PRKN: variants seen among roughly 807,000 people sequenced by gnomAD.
The protein encoded by PRKN is parkin RBR E3 ubiquitin protein ligase.
In PRKN, 56 loss-of-function variants were observed where a neutral mutation model predicts 59.5. That is an observed-to-expected ratio of 0.94 (90% CI 0.76 to 1.18). PRKN has a LOEUF of 1.18. Ranked by LOEUF, PRKN falls within the 50% of genes most tolerant of loss-of-function variation. The pLI is 0.00. For missense variants in PRKN, 657 were observed against 596.4 expected, an observed-to-expected ratio of 1.10 and a Z score of -1.06; for synonymous variants, 250 against 222.1, an observed-to-expected ratio of 1.13 and a Z score of -1.12.
rs865875601 is a variant in PRKN at position 162,010,681 on chromosome 6, T to A, written c.619-37264A>T. ...TATATTATATATAATATACTATATA[T>A]TATATAATATATTATATTATATATA... On this transcript the variant is annotated intron_variant, in intron 5 of 11. Transcript: ENST00000366898. 2.9e-3 allele frequency among the ~76,000 whole-genome samples: 14 copies of A among 4,848 alleles called. 4 individuals carry two copies. The South Asian group carries it at 0.057, about 20-fold the overall frequency. 3.2% of individuals were successfully genotyped at this position (4,848 alleles called of 152,430 possible).
chr6:162,463,719 C>A (rs557061465), intron 1 of PRKN, among the ~76,000 whole-genome samples: 1 of 152,290 alleles, frequency 6.6e-6, no homozygotes, highest in African/African-American at 2.4e-5. Flanking sequence ...GTTTGGTTCA[C>A]AAGTGTGTGC....
intron 1 of PRKN, among the ~76,000 whole-genome samples, chr6:162,556,366 T>TGC (rs1554243442): frequency 5.3e-4 from 52 of 98,362 alleles, no homozygotes; most frequent in East Asian, 1.4e-3. Context: ...TGTGTGTGTG[T>TGC]GTGTGTGTGT....
chr6:162,279,583 T>A (rs1430165059), intron 2 of PRKN, among the ~76,000 whole-genome samples: 1 of 152,202 alleles, frequency 6.6e-6, no homozygotes, highest in Non-Finnish European at 1.5e-5. Flanking sequence ...TTGCATTTGC[T>A]GAGGAGTGTT....
chr6:161,494,464 T>C (rs1777670480), intron 9 of PRKN, among the ~76,000 whole-genome samples: 1 of 152,260 alleles, frequency 6.6e-6, no homozygotes, highest in South Asian at 2.1e-4. Context: ...TTGTGTTACT[T>C]ACATTCTGCA....
At chr6:161,380,885 G>A (rs564154185) in intron 10 of PRKN, among the ~76,000 whole-genome samples, 2 of 152,248 alleles carry the variant, frequency 1.3e-5, no homozygotes, top group South Asian at 4.2e-4. Flanking sequence ...GGGTAAACAT[G>A]GACCTGAACT....
chr6:162,239,391 C>T lies in PRKN; in HGVS notation c.412+23134G>A, dbSNP rs1334210954. Among the ~76,000 whole-genome samples the T allele has an allele frequency of 3.3e-5, 5 of 152,214 alleles. No individual in the cohort carries two copies. The East Asian group carries it at 9.7e-4, about 29-fold the overall frequency. On this transcript the variant is annotated intron_variant, in intron 3 of 11. Transcript: ENST00000366898. ...TATTTTGTAATGCAAGATATTTGAG[C>T]ATAAATCCCTAAAAGACATATTATT...
chr6:162,381,064 C>G (rs561470029), intron 2 of PRKN, among the ~76,000 whole-genome samples: 1 of 152,040 alleles, frequency 6.6e-6, no homozygotes, highest in Non-Finnish European at 1.5e-5. Flanking sequence ...CTGGATAAGC[C>G]CACTGTGTCC....
chr6:161,665,285 C>G (rs960305494), intron 7 of PRKN, among the ~76,000 whole-genome samples: 2 of 152,076 alleles, frequency 1.3e-5, no homozygotes, highest in African/African-American at 4.8e-5. Flanking sequence ...AAGGCCAACT[C>G]TATATGTGGC....
chr6:161,581,289 A>G lies in PRKN; in HGVS notation c.872-11873T>C, dbSNP rs543033203. On this transcript the variant is annotated intron_variant, in intron 7 of 11. Coordinates refer to ENST00000366898, the MANE Select transcript of PRKN (RefSeq NM_004562.3). The surrounding 1 kb of genome is among the most constrained non-coding windows in gnomAD (Gnocchi z 4.5). ...GGCATGAGTAAAGCTACTGCAGTGA[A>G]AGAACCTGTCAAAGGTCATTTCACT... 1.6e-4 allele frequency among the ~76,000 whole-genome samples: 25 copies of G among 152,320 alleles called. No individual in the cohort carries two copies. The East Asian group carries it at 4.4e-3, about 27-fold the overall frequency.
intron 2 of PRKN, among the ~76,000 whole-genome samples, chr6:162,373,963 G>C (rs1417724806): frequency 6.6e-6 from 1 of 152,130 alleles, no homozygotes; most frequent in Non-Finnish European, 1.5e-5. Context: ...GTTACACCTT[G>C]GTGTCTATTT....
Position 162,114,196 on chromosome 6 carries a change from G to A in PRKN, c.535-60022C>T, listed in dbSNP as rs1385382014. ...TGGCTCAGGATTGACTTGGCGATGCGGGCTCTTTTTTGGTTCCATATGAAC... is the reference window on the plus strand; with the variant it reads ...TGGCTCAGGATTGACTTGGCGATGCAGGCTCTTTTTTGGTTCCATATGAAC... On this transcript the variant is annotated intron_variant, in intron 4 of 11. Transcript: ENST00000366898. 5.3e-5 allele frequency among the ~76,000 whole-genome samples: 8 copies of A among 152,076 alleles called. No homozygotes were observed. The East Asian group carries it at 5.8e-4, about 11-fold the overall frequency.
intron 2 of PRKN, among the ~76,000 whole-genome samples, chr6:162,380,859 G>A (rs2128140736): frequency 6.6e-6 from 1 of 152,192 alleles, no homozygotes; most frequent in Middle Eastern, 3.4e-3. Context: ...GTGTTTAAGA[G>A]TCTGTATCAC....
At chr6:162,532,838 T>G (rs1406871205) in intron 1 of PRKN, among the ~76,000 whole-genome samples, 1 of 152,218 alleles carries the variant, frequency 6.6e-6, no homozygotes, top group Non-Finnish European at 1.5e-5. Flanking sequence ...TGAAAAAGTC[T>G]GTTTCTCTCC....
At chr6:161,512,118 A>G (rs1486237754) in intron 9 of PRKN, among the ~76,000 whole-genome samples, 1 of 152,240 alleles carries the variant, frequency 6.6e-6, no homozygotes, top group East Asian at 1.9e-4. Flanking sequence ...AATCTATTCA[A>G]TGTAAGTCTG....
In PRKN at chr6:162,075,880, T is replaced by A. The variant is rs562552850; in HGVS notation, c.535-21706A>T. On this transcript the variant is annotated intron_variant, in intron 4 of 11. Coordinates refer to ENST00000366898, the MANE Select transcript of PRKN (RefSeq NM_004562.3). ...GGTACATTTATCCCCATCTTTTCAC[T>A]GAACCGTACACATTGTGGGCAGGGG... Among the ~76,000 whole-genome samples, 13 of 152,010 alleles carry A rather than the reference T, an allele frequency of 8.6e-5. No individual in the cohort carries two copies. In the South Asian group the frequency reaches 2.7e-3, roughly 32 times the overall value.
chr6:162,375,507 G>A (rs1786014086), intron 2 of PRKN, among the ~76,000 whole-genome samples: 1 of 150,846 alleles, frequency 6.6e-6, no homozygotes, highest in Non-Finnish European at 1.5e-5. Flanking sequence ...TGCTTATGTT[G>A]TTTCAGGATA....
intron 6 of PRKN, among the ~76,000 whole-genome samples, chr6:161,906,682 A>ATATATATATT (rs1562381695): frequency 6.8e-6 from 1 of 147,086 alleles, no homozygotes; most frequent in African/African-American, 2.6e-5. Context: ...ATATGTATAT[A>ATATATATATT]TGAGTTTATT....
At chr6:162,093,646 T>C (rs1779604956) in intron 4 of PRKN, among the ~76,000 whole-genome samples, 1 of 152,148 alleles carries the variant, frequency 6.6e-6, no homozygotes, top group Non-Finnish European at 1.5e-5. Flanking sequence ...GTAGCTGTGC[T>C]CTCCTGTACC....
intron 5 of PRKN, among the ~76,000 whole-genome samples, chr6:162,042,693 C>T (rs1240894128): frequency 1.3e-5 from 2 of 152,114 alleles, no homozygotes; most frequent in Non-Finnish European, 2.9e-5. Flanking sequence ...TAATACTACT[C>T]ACTATTAAAT....
Sources: allele counts gnomAD v4.1 joint callset (sites outside exome capture counted in the v4.1 genomes callset), GRCh38; gene constraint gnomAD v4.1.1; non-coding constraint Gnocchi (gnomAD v3.1); transcripts MANE v1.5; gene names NCBI Gene and HGNC (gene_info 2026-07-23, HGNC 2026-07-21).